Variants in LRMDA observed in about 807,000 individuals in gnomAD.
LRMDA encodes leucine-rich melanocyte differentiation-associated protein.
LRMDA carries 18 observed loss-of-function variants against 29.8 expected under a neutral mutation model. The ratio of observed to expected loss-of-function variants is 0.60; its 90% confidence interval spans 0.42 to 0.90. LRMDA has a LOEUF of 0.90. Ranked by LOEUF, LRMDA falls within the 40% of genes least tolerant of loss-of-function variation. LRMDA has a pLI of 0.00. For synonymous variants in LRMDA, 125 were observed against 109.4 expected (o/e 1.14, Z -0.89); for missense variants, 273 against 273.9 (o/e 1.00, Z 0.02).
chr10:76,010,590 G>A (rs1051808371), intron 2 of LRMDA, among the ~76,000 whole-genome samples: 4 of 152,170 alleles, frequency 2.6e-5, no homozygotes, highest in Non-Finnish European at 5.9e-5. Context: ...GGGATTACAG[G>A]CGTGAGCCAC....
intron 2 of LRMDA, among the ~76,000 whole-genome samples, chr10:75,800,445 T>C (rs1440119281): frequency 6.6e-6 from 1 of 151,840 alleles, no homozygotes; most frequent in Non-Finnish European, 1.5e-5. Flanking sequence ...TTTCTTTTTT[T>C]TTTTTCTTTT....
chr10:75,476,624 C>A (rs991444278), intron 2 of LRMDA, among the ~76,000 whole-genome samples: 1 of 152,134 alleles, frequency 6.6e-6, no homozygotes, highest in Admixed American at 6.5e-5. Context: ...TCTAGGCCAA[C>A]CTTGGAGCCA....
Position 76,406,081 on chromosome 10 carries a change from G to A in LRMDA, c.601+81596G>A, listed in dbSNP as rs964606164. ...CCAAACAAGAGGAACAACAGGAAGC[G>A]GTGATGGAGCTCATTTACATCTGCA... On this transcript the variant is annotated intron_variant, in intron 6 of 6. Transcript: ENST00000611255. 3.9e-5 allele frequency among the ~76,000 whole-genome samples: 6 copies of A among 152,312 alleles called. No individual in the cohort carries two copies. The East Asian group carries it at 1.2e-3, about 29-fold the overall frequency.
intron 5 of LRMDA, among the ~76,000 whole-genome samples, chr10:76,305,031 TTG>T (rs1384024676): frequency 6.6e-6 from 1 of 152,184 alleles, no homozygotes; most frequent in African/African-American, 2.4e-5. Context: ...CCCAGTTTCC[TTG>T]TGAATCTTCG....
intron 5 of LRMDA, among the ~76,000 whole-genome samples, chr10:76,287,690 T>C (rs1040125737): frequency 2.0e-5 from 3 of 152,186 alleles, no homozygotes; most frequent in Non-Finnish European, 4.4e-5. Flanking sequence ...AAACACTCTC[T>C]GGCAACACCA....
intron 5 of LRMDA, among the ~76,000 whole-genome samples, chr10:76,229,440 C>T (rs1405917116): frequency 1.3e-5 from 2 of 152,190 alleles, no homozygotes; most frequent in Non-Finnish European, 1.5e-5. Context: ...TCTGTCTGGG[C>T]TCTGAGTGTG....
At chr10:75,523,976 T>C (rs1187541774) in intron 2 of LRMDA, among the ~76,000 whole-genome samples, 1 of 152,224 alleles carries the variant, frequency 6.6e-6, no homozygotes, top group Admixed American at 6.5e-5. Flanking sequence ...TAGGCCTTTT[T>C]ATCACTCCGA....
At chr10:75,700,698 C>T (rs1418272173) in intron 2 of LRMDA, among the ~76,000 whole-genome samples, 2 of 151,880 alleles carry the variant, frequency 1.3e-5, no homozygotes, top group Non-Finnish European at 2.9e-5. Flanking sequence ...AGATTATTAC[C>T]AAGATGAGAG....
chr10:76,234,494 C>G (rs187045053), intron 5 of LRMDA, among the ~76,000 whole-genome samples: 1 of 152,178 alleles, frequency 6.6e-6, no homozygotes, highest in Admixed American at 6.5e-5. Flanking sequence ...GTCAGCCTGT[C>G]CTTTGAAGCT....
intron 6 of LRMDA, among the ~76,000 whole-genome samples, chr10:76,502,180 C>CTTTATTTCTGTGGCACT (rs1276352633): frequency 6.6e-6 from 1 of 151,772 alleles, no homozygotes; most frequent in Non-Finnish European, 1.5e-5. Flanking sequence ...AGTTTTGCCA[C>CTTTATTTCTGTGGCACT]TTTATTTCTG....
At chr10:76,009,401 C>T (rs376100430) in intron 2 of LRMDA, among the ~76,000 whole-genome samples, 3 of 152,326 alleles carry the variant, frequency 2.0e-5, no homozygotes, top group African/African-American at 4.8e-5. Context: ...GATGAGCTCA[C>T]ATTAGCCAGG....
intron 5 of LRMDA, among the ~76,000 whole-genome samples, chr10:76,247,664 A>G (rs1852400303): frequency 6.6e-6 from 1 of 152,160 alleles, no homozygotes; most frequent in Non-Finnish European, 1.5e-5. Context: ...GGTGTCTGTA[A>G]TATTCCTCCT....
intron 2 of LRMDA, among the ~76,000 whole-genome samples, chr10:75,857,038 A>G (rs1214900108): frequency 6.6e-6 from 1 of 152,178 alleles, no homozygotes; most frequent in East Asian, 1.9e-4. Context: ...TACACCAATA[A>G]CAGACAAAAA....
intron 2 of LRMDA, among the ~76,000 whole-genome samples, chr10:75,448,152 T>A (rs992621254): frequency 6.6e-6 from 1 of 152,228 alleles, no homozygotes; most frequent in South Asian, 2.1e-4. Flanking sequence ...CCCTGTAACT[T>A]GCAATATAAT....
intron 2 of LRMDA, among the ~76,000 whole-genome samples, chr10:75,824,414 T>C (rs1844215450): frequency 6.6e-6 from 1 of 152,208 alleles, no homozygotes; most frequent in East Asian, 1.9e-4. Context: ...TTTCATGCTA[T>C]AGTGGCAGAG....
At chr10:76,155,552 A>G (rs1898102) in intron 5 of LRMDA, among the ~76,000 whole-genome samples, 23,207 of 152,086 alleles carry the variant, frequency 0.15, 2,010 homozygotes, top group East Asian at 0.24. Flanking sequence ...CTGAGCTGAG[A>G]TATGAAATGC....
At chr10:75,837,276 C>G (rs1340181507) in intron 2 of LRMDA, among the ~76,000 whole-genome samples, 2 of 152,122 alleles carry the variant, frequency 1.3e-5, no homozygotes, top group African/African-American at 4.8e-5. Context: ...AGTCACTACT[C>G]CTGTATTTCA....
intron 5 of LRMDA, among the ~76,000 whole-genome samples, chr10:76,116,125 A>C (rs1564656877): frequency 6.6e-6 from 1 of 152,112 alleles, no homozygotes; most frequent in Non-Finnish European, 1.5e-5. Flanking sequence ...TGCCTGTGTA[A>C]GCATGAGTGT....
At chr10:76,048,980 T>A (rs1172946214) in intron 4 of LRMDA, among the ~76,000 whole-genome samples, 1 of 152,068 alleles carries the variant, frequency 6.6e-6, no homozygotes, top group East Asian at 1.9e-4. Context: ...ACTAGGAACT[T>A]ATAGGGAGAT....
Sources: allele counts gnomAD v4.1 joint callset (sites outside exome capture counted in the v4.1 genomes callset), GRCh38; gene constraint gnomAD v4.1.1; transcripts MANE v1.5; gene names NCBI Gene and HGNC (gene_info 2026-07-23, HGNC 2026-07-21).